FBXL7: variants seen among roughly 807,000 people sequenced by gnomAD.
FBXL7 encodes the protein F-box and leucine rich repeat protein 7.
Under a neutral mutation model 38.3 loss-of-function variants are expected in FBXL7, and 12 were observed. That is an observed-to-expected ratio of 0.31 (90% CI 0.20 to 0.51). FBXL7 has a LOEUF of 0.51. FBXL7 is among the 20% of genes least tolerant of loss of function. The probability of loss-of-function intolerance (pLI) is 0.98; values close to 1 mark genes in which losing one functional copy is unlikely to be tolerated. For synonymous variants in FBXL7, 297 were observed against 300.9 expected (o/e 0.99, Z 0.13); for missense variants, 567 against 676.4 (o/e 0.84, Z 1.79).
At chr5:15,696,141 G>C (rs1455426216) in intron 2 of FBXL7, among the ~76,000 whole-genome samples, 3 of 152,124 alleles carry the variant, frequency 2.0e-5, no homozygotes, top group Non-Finnish European at 2.9e-5. Flanking sequence ...TCCTTTCTGG[G>C]AGTGAAACAG....
chr5:15,783,736 G>C (rs1018692972), intron 2 of FBXL7, among the ~76,000 whole-genome samples: 1 of 152,128 alleles, frequency 6.6e-6, no homozygotes, highest in Non-Finnish European at 1.5e-5. Flanking sequence ...GGTGAAGGGA[G>C]CATTCAGAGA....
At chr5:15,659,647 A>G (rs1741995336) in intron 2 of FBXL7, among the ~76,000 whole-genome samples, 1 of 152,254 alleles carries the variant, frequency 6.6e-6, no homozygotes, top group Non-Finnish European at 1.5e-5. Context: ...ACATCTGGAA[A>G]CAACTCAAGT....
chr5:15,562,743 T>C (rs1168244483), intron 1 of FBXL7, among the ~76,000 whole-genome samples: 2 of 152,070 alleles, frequency 1.3e-5, no homozygotes, highest in Non-Finnish European at 2.9e-5. Flanking sequence ...TCCCTCTTTC[T>C]TTCACACATA....
At chr5:15,841,203 G>A (rs1055383833) in intron 2 of FBXL7, among the ~76,000 whole-genome samples, 1 of 151,666 alleles carries the variant, frequency 6.6e-6, no homozygotes, top group Admixed American at 6.6e-5. Context: ...GGTTTTTTTG[G>A]TAGTGGTTGG....
At chr5:15,617,282 A>C (rs13184983) in intron 2 of FBXL7, among the ~76,000 whole-genome samples, 24,353 of 152,096 alleles carry the variant, frequency 0.16, 2,118 homozygotes, top group Non-Finnish European at 0.19. Flanking sequence ...GGCAGATTGG[A>C]GTGTTCTTTC....
chr5:15,869,132 G>A (rs1364100755), intron 2 of FBXL7, among the ~76,000 whole-genome samples: 1 of 152,148 alleles, frequency 6.6e-6, no homozygotes, highest in Non-Finnish European at 1.5e-5. Context: ...CATTAAAATG[G>A]ACAAGCCTAG....
intron 2 of FBXL7, among the ~76,000 whole-genome samples, chr5:15,835,161 T>A (rs60782876): frequency 6.6e-6 from 1 of 152,294 alleles, no homozygotes; most frequent in South Asian, 2.1e-4. Flanking sequence ...GTAAATATTC[T>A]GATGAATGCT....
chr5:15,855,220 A>G (rs1739221194), intron 2 of FBXL7, among the ~76,000 whole-genome samples: 1 of 152,146 alleles, frequency 6.6e-6, no homozygotes. Context: ...GTGCATTTTT[A>G]TTTCAAAAGA....
chr5:15,936,378 C>A lies in FBXL7; in HGVS notation c.740-72C>A. ...AGACTTGGGCGAGGGTCAGGAATGC[C>A]CCAGGGCATCCCCAGGCGTGGCTCC... is the stretch of plus-strand genomic sequence containing the variant. On this transcript the variant is annotated intron_variant, in intron 3 of 3. Transcript: ENST00000504595. The surrounding 1 kb of genome is among the most constrained non-coding windows in gnomAD (Gnocchi z 6.0). The A allele has an allele frequency of 1.3e-6, 2 of 1,542,970 alleles. No homozygotes were observed. Among genetic ancestry groups the A allele is most frequent in the South Asian group, 2.5e-5 (2 of 79,732 alleles).
At chr5:15,730,589 T>C (rs770124781) in intron 2 of FBXL7, among the ~76,000 whole-genome samples, 34 of 152,198 alleles carry the variant, frequency 2.2e-4, no homozygotes, top group Non-Finnish European at 1.6e-4. Flanking sequence ...ACTACTGACA[T>C]TTTCTGTTAA....
At chr5:15,536,892 T>C (rs1051943780) in intron 1 of FBXL7, among the ~76,000 whole-genome samples, 2 of 152,086 alleles carry the variant, frequency 1.3e-5, no homozygotes, top group Non-Finnish European at 2.9e-5. Flanking sequence ...TCATCTTGAA[T>C]TGTAATCCCA....
intron 2 of FBXL7, among the ~76,000 whole-genome samples, chr5:15,820,192 C>T (rs745945431): frequency 3.9e-5 from 6 of 152,300 alleles, no homozygotes; most frequent in Non-Finnish European, 5.9e-5. Flanking sequence ...CTGCCCAGGC[C>T]TCTTGTGGGC....
intron 2 of FBXL7, among the ~76,000 whole-genome samples, chr5:15,705,215 G>A (rs1313043095): frequency 6.6e-6 from 1 of 152,216 alleles, no homozygotes; most frequent in Non-Finnish European, 1.5e-5. Context: ...GCACTGTGAT[G>A]TGCACATGTA....
At chr5:15,615,836 C>CA (rs769118008) in intron 1 of FBXL7, 147 bp from the exon 2 acceptor site, 685 of 504,186 alleles carry the variant, frequency 1.4e-3, no homozygotes, top group South Asian at 2.1e-3. Flanking sequence ...ATGCATAAGG[C>CA]AAAAAAAAAC....
chr5:15,852,688 A>AG lies in FBXL7; in HGVS notation c.128-75202_128-75201insG, dbSNP rs370310434. Among the ~76,000 whole-genome samples the AG allele has an allele frequency of 4.1e-3, 631 of 152,224 alleles. 4 individuals carry two copies. Among genetic ancestry groups the AG allele is most frequent in the Middle Eastern group, 0.014 (4 of 294 alleles). On this transcript the variant is annotated intron_variant, in intron 2 of 3. Transcript: ENST00000504595. The stretch of plus-strand genomic sequence containing the variant: ...CATCTGAAATAGTTTCCCCTGGAAA[A>AG]AAAAAAAACATGGCCATATATGCCT...
intron 2 of FBXL7, among the ~76,000 whole-genome samples, chr5:15,650,398 C>T (rs1365480643): frequency 2.0e-5 from 3 of 152,196 alleles, no homozygotes; most frequent in Non-Finnish European, 2.9e-5. Flanking sequence ...CATTGAGTCA[C>T]ATCTTTTTGC....
At chr5:15,554,032 T>C (rs1738161942) in intron 1 of FBXL7, among the ~76,000 whole-genome samples, 1 of 152,190 alleles carries the variant, frequency 6.6e-6, no homozygotes, top group African/African-American at 2.4e-5. Context: ...AAAGTTATCG[T>C]CTGATTCAAT....
intron 2 of FBXL7, among the ~76,000 whole-genome samples, chr5:15,818,070 A>G (rs1028739394): frequency 7.2e-6 from 1 of 138,216 alleles, no homozygotes; most frequent in African/African-American, 2.8e-5. Context: ...GTAAAATGTT[A>G]GTATCATATT....
intron 2 of FBXL7, among the ~76,000 whole-genome samples, chr5:15,795,093 C>T (rs1402170156): frequency 2.0e-5 from 3 of 152,156 alleles, no homozygotes; most frequent in African/African-American, 4.8e-5. Flanking sequence ...TGCATCTCCT[C>T]TTTGCTGGCT....
Sources: gnomAD v4.1 joint callset for allele counts (sites outside exome capture counted in the v4.1 genomes callset) on GRCh38, gnomAD v4.1.1 for gene constraint, Gnocchi (gnomAD v3.1) non-coding constraint, MANE v1.5 for transcripts, NCBI Gene and HGNC (gene_info 2026-07-23, HGNC 2026-07-21) for gene names.